CREBBP: variants seen among roughly 807,000 people sequenced by gnomAD.
CREBBP encodes the protein CREB-binding protein.
CREBBP carries 19 observed loss-of-function variants against 265.0 expected under a neutral mutation model. That is an observed-to-expected ratio of 0.07 (90% confidence interval 0.05 to 0.11). The LOEUF is 0.11. Among genes scored for constraint, CREBBP ranks in the 10% least tolerant of loss-of-function variants. The pLI is 1.00. For missense variants in CREBBP, 2,525 were observed against 3,219.0 expected (o/e 0.78, Z 5.22); for synonymous variants, 1,457 against 1,223.7 (o/e 1.19, Z -3.98).
chr16:3,810,775 C>A lies in CREBBP; in HGVS notation c.803G>T (p.Gly268Val), dbSNP rs1247636443. 3.1e-6 allele frequency: 5 copies of A among 1,613,736 alleles called. No homozygotes were observed. Among genetic ancestry groups the A allele is most frequent in the Non-Finnish European group, 3.4e-6 (4 of 1,180,016 alleles). ...TAQAGGMAKM[G>V]ITGNTSPFGQ... ...AAATGGACTTGTGTTCCCAGTTATTCCCATCTGAAACAAAAAAGAGGTAAC... is the reference window on the plus strand; with the variant it reads ...AAATGGACTTGTGTTCCCAGTTATTACCATCTGAAACAAAAAAGAGGTAAC... The change falls in exon 3 of 31, where the codon GGA becomes GTA. Residue 268 changes from glycine to valine, a missense_variant. Physicochemically the swap from Gly to Val is moderately radical, Grantham distance 109. Coordinates refer to ENST00000262367, the MANE Select transcript of CREBBP (RefSeq NM_004380.3).
At chr16:3,739,535 C>A (rs766857976) in intron 25 of CREBBP, 43 bp downstream of exon 25, 1 of 1,612,744 alleles carries the variant, frequency 6.2e-7, no homozygotes, top group East Asian at 2.2e-5. Flanking sequence ...TATCCTAACA[C>A]GGCTCACTGA....
rs753500354 is a variant in CREBBP at position 3,728,399 on chromosome 16, TTGC to T, written c.6645_6647del (p.Gln2216del). The T allele has an allele frequency of 1.9e-6, 3 of 1,613,130 alleles. No individual in the cohort carries two copies. The highest frequency in any genetic ancestry group is 1.3e-5 in the African/African-American group (1 of 74,840). On this transcript the variant is annotated inframe_deletion, in exon 31 of 31. Transcript: ENST00000262367. This position sits in a 1 kb window ranked among gnomAD's most constrained non-coding sequence, Gnocchi z 8.7. ...TGCCCCCAGCCATGCCGGCACTCCC[TTGC>T]TGCTGCTGCTGTTGCTGCTGTTGTT...
In CREBBP at chr16:3,740,521, G is replaced by A. The variant is rs1013942234; in HGVS notation, c.4011C>T (p.His1337=). The part of the protein sequence containing the change: ...KRLQTTRLGN[H]LEDRVNKFLR... ...AAAATTTGTTCACTCGGTCTTCCAA[G>A]TGGTTTCCCAGTCTTGTGGTCTGCA... Residue 1337 remains histidine, a synonymous_variant, in exon 24 of 31, where the codon CAC becomes CAT. Transcript: ENST00000262367. 2.7e-5 allele frequency: 44 copies of A among 1,614,124 alleles called. No homozygotes were observed. Among genetic ancestry groups the A allele is most frequent in the Non-Finnish European group, 3.5e-5 (41 of 1,180,046 alleles).
At chr16:3,851,627 G>GGCGGATCACGAGGTCAGGAGAGCGA (rs2054839062) in intron 1 of CREBBP, among the ~76,000 whole-genome samples, 1 of 152,096 alleles carries the variant, frequency 6.6e-6, no homozygotes, top group Admixed American at 6.5e-5. Flanking sequence ...GGCTGAGGCA[G>GGCGGATCACGAGGTCAGGAGAGCGA]GCGGATCACG....
intron 1 of CREBBP, among the ~76,000 whole-genome samples, chr16:3,870,837 C>T (rs143536480): frequency 6.6e-6 from 1 of 152,178 alleles, no homozygotes; most frequent in Non-Finnish European, 1.5e-5. Flanking sequence ...CTAGTAGCCC[C>T]ATGTACCAAG....
intron 1 of CREBBP, among the ~76,000 whole-genome samples, chr16:3,856,339 C>T (rs917591331): frequency 1.3e-5 from 2 of 152,012 alleles, no homozygotes; most frequent in African/African-American, 4.8e-5. Context: ...ATTATTTTGA[C>T]AGGGTCTTGC....
chr16:3,855,557 A>G, intron 1 of CREBBP, among the ~76,000 whole-genome samples: 1 of 152,176 alleles, frequency 6.6e-6, no homozygotes, highest in Non-Finnish European at 1.5e-5. Flanking sequence ...GAGCCATTGC[A>G]CCCGGCCATA....
intron 1 of CREBBP, among the ~76,000 whole-genome samples, chr16:3,873,228 A>T (rs542484069): frequency 6.6e-6 from 1 of 152,384 alleles, no homozygotes; most frequent in Non-Finnish European, 1.5e-5. Context: ...CTTCAAAATT[A>T]TCAATAATTT....
chr16:3,749,045 G>C (rs1032527437), intron 21 of CREBBP, among the ~76,000 whole-genome samples: 4 of 152,212 alleles, frequency 2.6e-5, no homozygotes, highest in Non-Finnish European at 5.9e-5. Flanking sequence ...TACTCGGGAG[G>C]CTGAGGCAGG....
chr16:3,766,680 C>T (rs2052860812), intron 16 of CREBBP, among the ~76,000 whole-genome samples: 1 of 152,226 alleles, frequency 6.6e-6, no homozygotes, highest in South Asian at 2.1e-4. Flanking sequence ...CGTGCACCAC[C>T]ACACTTAGCT....
At chr16:3,857,322 T>A (rs2054984399) in intron 1 of CREBBP, among the ~76,000 whole-genome samples, 1 of 151,986 alleles carries the variant, frequency 6.6e-6, no homozygotes, top group Non-Finnish European at 1.5e-5. Context: ...TTAGACAAAT[T>A]CTTCTTCTGT....
chr16:3,778,683 G>A lies in CREBBP; in HGVS notation c.1941+17C>T, dbSNP rs776776354. The A allele has an allele frequency of 6.9e-6, 11 of 1,584,592 alleles. No homozygotes were observed. The highest frequency in any genetic ancestry group is 2.7e-5 in the African/African-American group (2 of 74,274). On this transcript the variant is annotated intron_variant, in intron 9 of 30. Coordinates refer to ENST00000262367, the MANE Select transcript of CREBBP (RefSeq NM_004380.3). ...ACAGATGCTGTAGAGGCCAGAGCAC[G>A]GTAAACAGCAACCTACCCTGCTGTT...
chr16:3,736,255 C>A (rs2052055855), intron 27 of CREBBP, 52 bp from the exon 28 acceptor site: 1 of 1,579,080 alleles, frequency 6.3e-7, no homozygotes, highest in African/African-American at 1.3e-5. Flanking sequence ...GCGTGCCCCC[C>A]ACCATGGTGC....
chr16:3,847,539 G>A (rs889714759), intron 2 of CREBBP, among the ~76,000 whole-genome samples: 5 of 152,164 alleles, frequency 3.3e-5, no homozygotes, highest in Non-Finnish European at 7.4e-5. Flanking sequence ...GGGCTGCTTT[G>A]AGATACCTAT....
At chr16:3,855,132 T>G (rs1258911875) in intron 1 of CREBBP, among the ~76,000 whole-genome samples, 1 of 152,266 alleles carries the variant, frequency 6.6e-6, no homozygotes, top group Non-Finnish European at 1.5e-5. Flanking sequence ...TGACATGTCC[T>G]ATAGCCATGA....
intron 17 of CREBBP, among the ~76,000 whole-genome samples, chr16:3,758,316 C>T (rs544844972): frequency 6.6e-6 from 1 of 152,172 alleles, no homozygotes; most frequent in East Asian, 1.9e-4. Flanking sequence ...ATACTTCTAA[C>T]AAAAAATTTT....
At chr16:3,764,956 GT>G (rs963443705) in intron 16 of CREBBP, among the ~76,000 whole-genome samples, 45 of 145,624 alleles carry the variant, frequency 3.1e-4, no homozygotes, top group Admixed American at 4.8e-4. Context: ...CATGTGTGTG[GT>G]TTTTTTTTTT....
chr16:3,832,811 A>G (rs2054369182), intron 2 of CREBBP, among the ~76,000 whole-genome samples: 3 of 152,196 alleles, frequency 2.0e-5, no homozygotes, highest in Admixed American at 2.0e-4. Context: ...TATAAAAAAG[A>G]TAACACTCCA....
intron 2 of CREBBP, among the ~76,000 whole-genome samples, chr16:3,832,254 C>T (rs1469961442): frequency 6.6e-6 from 1 of 152,104 alleles, no homozygotes; most frequent in Non-Finnish European, 1.5e-5. Flanking sequence ...TTTTATCAAA[C>T]ATTTAATGAA....
Sources: allele counts gnomAD v4.1 joint callset (sites outside exome capture counted in the v4.1 genomes callset), GRCh38; gene constraint gnomAD v4.1.1; non-coding constraint Gnocchi (gnomAD v3.1); transcripts MANE v1.5; gene names NCBI Gene and HGNC (gene_info 2026-07-23, HGNC 2026-07-21).